Variants in ZC3H12B observed in about 807,000 individuals in gnomAD.
ZC3H12B encodes the protein probable ribonuclease ZC3H12B.
In ZC3H12B, 7 loss-of-function variants were observed where a neutral mutation model predicts 43.9. That is an observed-to-expected ratio of 0.16 (90% CI 0.09 to 0.30). The LOEUF (loss-of-function observed/expected upper bound fraction) is 0.30, where lower values mean the gene tolerates loss of function less well. ZC3H12B is among the 10% of genes least tolerant of loss of function. The pLI, the probability that ZC3H12B is intolerant of heterozygous loss-of-function variation, is 1.00. For missense variants in ZC3H12B, 475 were observed against 670.2 expected (o/e 0.71, Z 3.22); for synonymous variants, 222 against 241.7 (o/e 0.92, Z 0.76).
At chrX:65,387,744 T>C (rs1193405256) in intron 2 of ZC3H12B, among the ~76,000 whole-genome samples, 1 of 112,852 alleles carries the variant, frequency 8.9e-6, no homozygotes, top group East Asian at 2.8e-4. Context: ...CTGGATGGTC[T>C]TTACAATTTG....
the ZC3H12B span, among the ~76,000 whole-genome samples, chrX:65,143,723 C>A: frequency 9.3e-6 from 1 of 107,776 alleles, no homozygotes; most frequent in African/African-American, 3.4e-5. Context: ...CCACCATGCC[C>A]AGCTAATTTT....
chrX:65,165,892 T>A, the ZC3H12B span, among the ~76,000 whole-genome samples: 167 of 112,286 alleles, frequency 1.5e-3, 2 homozygotes, highest in African/African-American at 5.3e-3. Flanking sequence ...CAAAGGTTGA[T>A]CTAATTTACA....
At chrX:65,175,958 G>A in the ZC3H12B span, among the ~76,000 whole-genome samples, 1 of 111,785 alleles carries the variant, frequency 8.9e-6, no homozygotes. Context: ...ACAAAAGTGG[G>A]TGGCCATTTG....
chrX:65,308,307 CAGATGGAA>C, the ZC3H12B span, among the ~76,000 whole-genome samples: 1 of 110,309 alleles, frequency 9.1e-6, no homozygotes, highest in Non-Finnish European at 1.9e-5. Context: ...ATCTACCAAG[CAGATGGAA>C]AGCAAAAAAA....
chrX:65,254,250 A>G, the ZC3H12B span, among the ~76,000 whole-genome samples: 2 of 112,470 alleles, frequency 1.8e-5, no homozygotes, highest in Admixed American at 1.9e-4. Context: ...ACACCCTTGC[A>G]CCTGCTAGTA....
chrX:65,417,656 C>A (rs776830992), intron 3 of ZC3H12B, among the ~76,000 whole-genome samples: 3 of 112,512 alleles, frequency 2.7e-5, no homozygotes, highest in Non-Finnish European at 5.6e-5. Flanking sequence ...TGATTTCTGG[C>A]CTTTCTCTAG....
chrX:65,496,989 A>AAAAGGAAG, intron 1 of ZC3H12B, 143 bp from the exon 7 acceptor site: 1 of 528,072 alleles, frequency 1.9e-6, no homozygotes. Context: ...GAAAAGAAGC[A>AAAAGGAAG]AAAGGAAGAA....
chrX:65,492,065 A>T (rs1306404255), intron 1 of ZC3H12B, among the ~76,000 whole-genome samples: 1 of 110,837 alleles, frequency 9.0e-6, no homozygotes, highest in Admixed American at 9.7e-5. Flanking sequence ...TCAATCTGTC[A>T]CCAAACCAGA....
At chrX:65,445,616 G>T (rs2067365557) in intron 3 of ZC3H12B, among the ~76,000 whole-genome samples, 1 of 112,553 alleles carries the variant, frequency 8.9e-6, no homozygotes, top group Non-Finnish European at 1.9e-5. Context: ...CAGCAAAGTA[G>T]TGGGTCTCAC....
intron 3 of ZC3H12B, among the ~76,000 whole-genome samples, chrX:65,444,691 A>G (rs2067352598): frequency 8.9e-6 from 1 of 112,059 alleles, no homozygotes; most frequent in South Asian, 3.7e-4. Context: ...GCAACTTTGG[A>G]ACTAGGTAAC....
At chrX:65,424,128 T>C (rs768476652) in intron 3 of ZC3H12B, among the ~76,000 whole-genome samples, 3 of 112,028 alleles carry the variant, frequency 2.7e-5, no homozygotes, top group South Asian at 3.7e-4. Flanking sequence ...GACTTGATCA[T>C]GGTGGATCAA....
At chrX:65,128,005 C>G in the ZC3H12B span, among the ~76,000 whole-genome samples, 2 of 111,798 alleles carry the variant, frequency 1.8e-5, no homozygotes, top group Non-Finnish European at 3.8e-5. Context: ...TTTTAGGGAG[C>G]CTGTAGCAGT....
At chrX:65,146,990 T>A in the ZC3H12B span, among the ~76,000 whole-genome samples, 3 of 112,061 alleles carry the variant, frequency 2.7e-5, no homozygotes, top group African/African-American at 9.7e-5. Context: ...TGCCACTCTG[T>A]CCATCCGAGT....
upstream of ZC3H12B, among the ~76,000 whole-genome samples, chrX:65,363,071 T>C (rs950687136): frequency 1.8e-5 from 2 of 111,680 alleles, no homozygotes; most frequent in African/African-American, 6.5e-5. Flanking sequence ...ACCTGGGCTG[T>C]ACTGCTGCAA....
chrX:65,285,693 C>T, the ZC3H12B span, among the ~76,000 whole-genome samples: 1 of 111,651 alleles, frequency 9.0e-6, no homozygotes, highest in African/African-American at 3.3e-5. Flanking sequence ...AGTACTACAA[C>T]AGATGTTCAA....
At chrX:65,091,068 G>A in the ZC3H12B span, among the ~76,000 whole-genome samples, 7 of 111,184 alleles carry the variant, frequency 6.3e-5, 1 homozygote, top group Admixed American at 2.9e-4. Flanking sequence ...ACTGTGAGCC[G>A]ATGAAACCTA....
At chrX:65,261,009 C>CT in the ZC3H12B span, among the ~76,000 whole-genome samples, 1 of 111,870 alleles carries the variant, frequency 8.9e-6, no homozygotes, top group Non-Finnish European at 1.9e-5. Flanking sequence ...GTAATATTTT[C>CT]TTTCTCTGCT....
chrX:65,201,674 CT>C, the ZC3H12B span, among the ~76,000 whole-genome samples: 1 of 99,294 alleles, frequency 1.0e-5, no homozygotes, highest in African/African-American at 4.2e-5. Flanking sequence ...CTCTCTCTCT[CT>C]CTCTCCAGGA....
the ZC3H12B span, among the ~76,000 whole-genome samples, chrX:65,040,837 T>G: frequency 9.0e-6 from 1 of 111,323 alleles, no homozygotes; most frequent in Non-Finnish European, 1.9e-5. Context: ...CAGGCTGGAG[T>G]GCAGTGCCAT....
Sources: allele counts gnomAD v4.1 joint callset (sites outside exome capture counted in the v4.1 genomes callset), GRCh38; gene constraint gnomAD v4.1.1; transcripts MANE v1.5; gene names NCBI Gene and HGNC (gene_info 2026-07-23, HGNC 2026-07-21).